CYTH3: variants seen among roughly 807,000 people sequenced by gnomAD.
The protein encoded by CYTH3 is cytohesin 3.
CYTH3 carries 23 observed loss-of-function variants against 55.1 expected under a neutral mutation model. That is an observed-to-expected ratio of 0.42 (90% confidence interval 0.30 to 0.59). The LOEUF (loss-of-function observed/expected upper bound fraction) is 0.59. CYTH3 is among the 20% of genes least tolerant of loss of function. The probability of loss-of-function intolerance (pLI) is 0.20; values close to 1 mark genes in which losing one functional copy is unlikely to be tolerated. For synonymous variants in CYTH3, 249 were observed against 194.9 expected (o/e 1.28, Z -2.31); for missense variants, 413 against 524.8 (o/e 0.79, Z 2.08).
chr7:6,204,760 A>G (rs1784145495), intron 1 of CYTH3, among the ~76,000 whole-genome samples: 2 of 152,228 alleles, frequency 1.3e-5, no homozygotes, highest in African/African-American at 4.8e-5. Flanking sequence ...CTTCCTGCTC[A>G]AAATACTTAG....
At chr7:6,242,298 C>T (rs553122626) in intron 1 of CYTH3, among the ~76,000 whole-genome samples, 4 of 150,498 alleles carry the variant, frequency 2.7e-5, no homozygotes, top group African/African-American at 9.8e-5. Context: ...GGATGGTCTC[C>T]ATCTCCTGAC....
intron 1 of CYTH3, among the ~76,000 whole-genome samples, chr7:6,245,830 G>A (rs904162869): frequency 6.6e-6 from 1 of 152,192 alleles, no homozygotes; most frequent in African/African-American, 2.4e-5. Flanking sequence ...CCTGAACTTA[G>A]GAGGTCAAGG....
At chr7:6,224,899 T>C (rs907401851) in intron 1 of CYTH3, among the ~76,000 whole-genome samples, 5 of 152,224 alleles carry the variant, frequency 3.3e-5, no homozygotes, top group African/African-American at 1.2e-4. Context: ...TGTTATAACA[T>C]ACATGAAACC....
At chr7:6,225,782 C>T (rs575224770) in intron 1 of CYTH3, among the ~76,000 whole-genome samples, 5 of 151,920 alleles carry the variant, frequency 3.3e-5, no homozygotes, top group Middle Eastern at 3.4e-3. Context: ...TGGGTTCAAG[C>T]GGTTCTCCTG....
intron 1 of CYTH3, among the ~76,000 whole-genome samples, chr7:6,202,922 G>A (rs924771225): frequency 9.9e-5 from 15 of 152,168 alleles, no homozygotes; most frequent in African/African-American, 3.6e-4. Context: ...CTTTAAAAGA[G>A]GCATATTTAA....
chr7:6,218,103 G>C (rs1022204235), intron 1 of CYTH3, among the ~76,000 whole-genome samples: 1 of 151,820 alleles, frequency 6.6e-6, no homozygotes, highest in Non-Finnish European at 1.5e-5. Flanking sequence ...GACTTGAGCC[G>C]GGGAGGTGGG....
chr7:6,191,699 C>A lies in CYTH3; in HGVS notation c.35-1168G>T, dbSNP rs201169295. Among the ~76,000 whole-genome samples the A allele has an allele frequency of 2.7e-5, 4 of 150,760 alleles. No individual in the cohort carries two copies. The East Asian group carries it at 7.8e-4, about 30-fold the overall frequency. ...CATCCTCCGTCTCCTGGGTTCACTG[C>A]ACTCAGCCAGGGAAGGACTTCTTAA... On this transcript the variant is annotated intron_variant, in intron 1 of 12. Coordinates refer to ENST00000350796, the MANE Select transcript of CYTH3 (RefSeq NM_004227.4).
chr7:6,268,272 A>C (rs1780558312), intron 1 of CYTH3, among the ~76,000 whole-genome samples: 1 of 152,126 alleles, frequency 6.6e-6, no homozygotes, highest in South Asian at 2.1e-4. Flanking sequence ...GGCTCAAGCG[A>C]TTCTCCTGCC....
chr7:6,220,289 T>C (rs1022877617), intron 1 of CYTH3, among the ~76,000 whole-genome samples: 1 of 152,104 alleles, frequency 6.6e-6, no homozygotes, highest in African/African-American at 2.4e-5. Flanking sequence ...TGGCTATTCA[T>C]AGGCAAAAGA....
rs947569674 is a variant in CYTH3, at chr7:6,164,517, C to G, written c.*427G>C. ...CTTTCTAGAACGGTTAATACTGCCC[C>G]GAGTGAATGCGTTTGGCATGGTACG... On this transcript the variant is annotated 3_prime_UTR_variant, in exon 13 of 13. Transcript: ENST00000350796. The G allele has an allele frequency of 1.1e-5, 2 of 180,186 alleles. No individual in the cohort carries two copies. Among genetic ancestry groups the G allele is most frequent in the African/African-American group, 2.4e-5 (1 of 42,116 alleles). The allele number at this position is 180,186 out of a possible 1,614,324, so 11.2% of individuals were successfully genotyped here.
chr7:6,258,032 G>A (rs1346777010), intron 1 of CYTH3, among the ~76,000 whole-genome samples: 1 of 152,180 alleles, frequency 6.6e-6, no homozygotes, highest in Non-Finnish European at 1.5e-5. Context: ...GCTGGGCACG[G>A]TGGCTCACTC....
intron 1 of CYTH3, among the ~76,000 whole-genome samples, chr7:6,199,409 G>A (rs1784009395): frequency 6.6e-6 from 1 of 152,188 alleles, no homozygotes; most frequent in African/African-American, 2.4e-5. Flanking sequence ...CCAGCCACTG[G>A]GGAGTCTGTA....
intron 1 of CYTH3, among the ~76,000 whole-genome samples, chr7:6,244,038 T>C (rs1316400983): frequency 2.0e-5 from 3 of 152,246 alleles, no homozygotes; most frequent in African/African-American, 7.2e-5. Flanking sequence ...TTTACAGGTT[T>C]TAAACCTGTA....
chr7:6,206,551 G>C (rs1038610176), intron 1 of CYTH3, among the ~76,000 whole-genome samples: 3 of 152,226 alleles, frequency 2.0e-5, no homozygotes, highest in Non-Finnish European at 2.9e-5. Flanking sequence ...AAGGGTGTGT[G>C]TACATGACTA....
intron 1 of CYTH3, among the ~76,000 whole-genome samples, chr7:6,206,245 A>G (rs372655235): frequency 6.6e-6 from 1 of 152,230 alleles, no homozygotes; most frequent in East Asian, 1.9e-4. Flanking sequence ...TATATGGTCT[A>G]TATGTACAAT....
Sources: gnomAD v4.1 joint callset for allele counts (sites outside exome capture counted in the v4.1 genomes callset) on GRCh38, gnomAD v4.1.1 for gene constraint, MANE v1.5 for transcripts, NCBI Gene and HGNC (gene_info 2026-07-23, HGNC 2026-07-21) for gene names.